ZC3H12C: variants seen among roughly 807,000 people sequenced by gnomAD.
ZC3H12C encodes the protein probable ribonuclease ZC3H12C.
In ZC3H12C, 20 loss-of-function variants were observed where a neutral mutation model predicts 76.3. That is an observed-to-expected ratio of 0.26 (90% confidence interval 0.18 to 0.38). The LOEUF is 0.38. ZC3H12C is among the 10% of genes least tolerant of loss of function. The probability of loss-of-function intolerance (pLI) is 1.00; values close to 1 mark genes in which losing one functional copy is unlikely to be tolerated. For synonymous variants in ZC3H12C, 352 were observed against 399.6 expected (o/e 0.88, Z 1.42); for missense variants, 874 against 1,086.5 (o/e 0.80, Z 2.75).
Position 110,100,828 on chromosome 11 carries a change from G to A in ZC3H12C, c.21+7396G>A, listed in dbSNP as rs116548323. 9.7e-3 allele frequency among the ~76,000 whole-genome samples: 1,482 copies of A among 152,192 alleles called. 19 individuals are homozygous for A. The highest frequency in any genetic ancestry group is 0.034 in the African/African-American group (1,408 of 41,510). ...TTAGGCCAATGAATAACTCTGTAAT[G>A]GCCTTAAGTGTTCAAGTGAAAGGAA... On this transcript the variant is annotated intron_variant, in intron 1 of 5. Transcript: ENST00000278590.
intron 4 of ZC3H12C, among the ~76,000 whole-genome samples, chr11:110,162,046 A>G (rs1360550956): frequency 6.6e-6 from 1 of 152,186 alleles, no homozygotes; most frequent in Non-Finnish European, 1.5e-5. Context: ...AGGCAGGAGA[A>G]TTGTTTGAAC....
chr11:110,101,946 A>AT (rs1384058490), intron 1 of ZC3H12C, among the ~76,000 whole-genome samples: 1 of 152,094 alleles, frequency 6.6e-6, no homozygotes, highest in African/African-American at 2.4e-5. Context: ...TTTACTGAAC[A>AT]TTTTAAGCCC....
intron 1 of ZC3H12C, among the ~76,000 whole-genome samples, chr11:110,100,680 A>G (rs758092202): frequency 6.6e-6 from 1 of 152,134 alleles, no homozygotes; most frequent in Non-Finnish European, 1.5e-5. Context: ...GGGGGTGCCA[A>G]TAGAAGATGG....
At chr11:110,101,796 C>T (rs1861221548) in intron 1 of ZC3H12C, among the ~76,000 whole-genome samples, 1 of 152,098 alleles carries the variant, frequency 6.6e-6, no homozygotes, top group Non-Finnish European at 1.5e-5. Context: ...GTTCCACCCA[C>T]TTTGGCCTCC....
At chr11:110,137,632 GA>G (rs2134177782) in intron 2 of ZC3H12C, among the ~76,000 whole-genome samples, 1 of 152,180 alleles carries the variant, frequency 6.6e-6, no homozygotes, top group South Asian at 2.1e-4. Flanking sequence ...ATTTTTCTCA[GA>G]TATGTCTCTT....
At chr11:110,155,542 A>T (rs1455865522) in intron 3 of ZC3H12C, among the ~76,000 whole-genome samples, 2 of 151,834 alleles carry the variant, frequency 1.3e-5, no homozygotes, top group African/African-American at 4.8e-5. Context: ...GAATAGAAAA[A>T]AAAAAGTGTT....
At chr11:110,109,942 A>G (rs1357252168) in intron 1 of ZC3H12C, among the ~76,000 whole-genome samples, 3 of 151,958 alleles carry the variant, frequency 2.0e-5, no homozygotes, top group African/African-American at 7.3e-5. Flanking sequence ...GTATATTTCT[A>G]TTTTCCAGGT....
At chr11:110,095,172 C>T (rs987644987) in intron 1 of ZC3H12C, among the ~76,000 whole-genome samples, 1 of 152,136 alleles carries the variant, frequency 6.6e-6, no homozygotes, top group African/African-American at 2.4e-5. Context: ...AATGACCAGA[C>T]TATATAAAAA....
At chr11:110,144,166 C>A (rs1394207353) in intron 2 of ZC3H12C, among the ~76,000 whole-genome samples, 4 of 152,230 alleles carry the variant, frequency 2.6e-5, no homozygotes, top group Non-Finnish European at 5.9e-5. Context: ...CTCTAAAAGT[C>A]ATAGTTTAGT....
At chr11:110,122,982 A>G (rs1405646817) in intron 1 of ZC3H12C, among the ~76,000 whole-genome samples, 3 of 152,234 alleles carry the variant, frequency 2.0e-5, no homozygotes, top group Admixed American at 6.5e-5. Context: ...CCTGGGTGCC[A>G]CAGAGCAAGT....
chr11:110,155,690 A>G (rs1178558053), intron 3 of ZC3H12C, among the ~76,000 whole-genome samples: 6 of 152,310 alleles, frequency 3.9e-5, no homozygotes, highest in Non-Finnish European at 8.8e-5. Context: ...GTGTCTGTCT[A>G]TACAGACACA....
chr11:110,149,069 C>A (rs1169739977), intron 2 of ZC3H12C, among the ~76,000 whole-genome samples: 1 of 152,212 alleles, frequency 6.6e-6, no homozygotes, highest in Non-Finnish European at 1.5e-5. Context: ...CAAGTCCCAT[C>A]TGCAGATTTG....
intron 3 of ZC3H12C, among the ~76,000 whole-genome samples, chr11:110,155,591 A>G (rs1862362930): frequency 6.6e-6 from 1 of 152,184 alleles, no homozygotes. Flanking sequence ...AGGTATCAAT[A>G]TGATAGAATA....
At chr11:110,120,695 A>G (rs1861636570) in intron 1 of ZC3H12C, among the ~76,000 whole-genome samples, 1 of 152,176 alleles carries the variant, frequency 6.6e-6, no homozygotes, top group Non-Finnish European at 1.5e-5. Flanking sequence ...CAAGTAGGCA[A>G]ATTTGCAAAG....
rs138052077 is a variant in ZC3H12C, at chr11:110,137,299, C to A, written c.658C>A (p.Arg220=). 5 of 1,613,752 alleles carry A rather than the reference C, an allele frequency of 3.1e-6. No homozygotes were observed. The South Asian group carries it at 3.3e-5, about 11-fold the overall frequency. The stretch of plus-strand genomic sequence containing the variant: ...GGTTAGTACAATTAACACTATAACA[C>A]GGGAAACTTCTTCCCTGGAATCTCA... ...QTVSTINTIT[R]ETSSLESQRS... The change falls in exon 2 of 6, where the codon CGG becomes AGG. Residue 220 remains arginine (R), a synonymous_variant. Coordinates refer to ENST00000278590, the MANE Select transcript of ZC3H12C (RefSeq NM_033390.2).
At chr11:110,104,289 C>A (rs1861278176) in intron 1 of ZC3H12C, among the ~76,000 whole-genome samples, 2 of 152,002 alleles carry the variant, frequency 1.3e-5, no homozygotes, top group African/African-American at 4.8e-5. Flanking sequence ...GAACTCCTGA[C>A]CTCACATAAT....
intron 1 of ZC3H12C, among the ~76,000 whole-genome samples, chr11:110,122,221 A>G (rs1363029981): frequency 6.6e-6 from 1 of 152,134 alleles, no homozygotes; most frequent in Admixed American, 6.6e-5. Context: ...ATGACGTCTG[A>G]CCAGGCTTTG....
At position 110,164,336 on chromosome 11, in the gene ZC3H12C, C is replaced by G. The variant is rs774348736; in HGVS notation, c.1256-5C>G. 3.8e-5 allele frequency: 61 copies of G among 1,593,958 alleles called. No individual in the cohort carries two copies. Among genetic ancestry groups the G allele is most frequent in the Admixed American group, 8.8e-5 (5 of 56,956 alleles). Reference sequence around the variant, plus strand: ...CCTTTGCCTAATTAATTTTACTCTTCTTAGGAAAGAAGTGTACCTATGGAC... The same window carrying G: ...CCTTTGCCTAATTAATTTTACTCTTGTTAGGAAAGAAGTGTACCTATGGAC... On this transcript the variant is annotated splice_polypyrimidine_tract_variant and splice_region_variant and intron_variant, in intron 5 of 5. Coordinates refer to ENST00000278590, the MANE Select transcript of ZC3H12C (RefSeq NM_033390.2). The surrounding 1 kb of genome is among the most constrained non-coding windows in gnomAD (Gnocchi z 5.7).
At chr11:110,111,697 A>AT (rs11387069) in intron 1 of ZC3H12C, among the ~76,000 whole-genome samples, 7,316 of 131,988 alleles carry the variant, frequency 0.055, 415 homozygotes, top group African/African-American at 0.15. Context: ...GGCCTGACTG[A>AT]TTTTTTTTTT....
Sources: gnomAD v4.1 joint callset for allele counts (sites outside exome capture counted in the v4.1 genomes callset) on GRCh38, gnomAD v4.1.1 for gene constraint, Gnocchi (gnomAD v3.1) non-coding constraint, MANE v1.5 for transcripts, NCBI Gene and HGNC (gene_info 2026-07-23, HGNC 2026-07-21) for gene names.